EYS: variants seen among roughly 807,000 people sequenced by gnomAD.
EYS encodes EGF-like photoreceptor maintenance factor, also known as protein eyes shut homolog.
A neutral mutation model predicts 282.1 loss-of-function variants in EYS; 250 were observed. That is an observed-to-expected ratio of 0.89 (90% confidence interval 0.80 to 0.98). The LOEUF (loss-of-function observed/expected upper bound fraction) is 0.98. EYS is among the 50% of genes least tolerant of loss of function. The probability of loss-of-function intolerance (pLI) is 0.00; values close to 1 mark genes in which losing one functional copy is unlikely to be tolerated. For synonymous variants in EYS, 1,355 were observed against 1,282.9 expected, an observed-to-expected ratio of 1.06 and a Z score of -1.20; for missense variants, 4,016 against 3,709.0, an observed-to-expected ratio of 1.08 and a Z score of -2.15.
At chr6:64,503,007 A>G (rs1335595356) in intron 26 of EYS, among the ~76,000 whole-genome samples, 3 of 152,202 alleles carry the variant, frequency 2.0e-5, no homozygotes, top group Non-Finnish European at 2.9e-5. Flanking sequence ...CTCTTGCCAA[A>G]TATGTTGTTG....
intron 22 of EYS, among the ~76,000 whole-genome samples, chr6:64,737,993 T>C (rs189439269): frequency 7.2e-5 from 11 of 152,346 alleles, no homozygotes; most frequent in Admixed American, 3.3e-4. Flanking sequence ...CTTTTCCTTA[T>C]AGTCTTTCTT....
intron 31 of EYS, among the ~76,000 whole-genome samples, chr6:64,087,211 C>T (rs1475384332): frequency 6.6e-6 from 1 of 152,104 alleles, no homozygotes; most frequent in Non-Finnish European, 1.5e-5. Context: ...GCCTATCTTA[C>T]TGGGAGTCAC....
intron 12 of EYS, among the ~76,000 whole-genome samples, chr6:65,243,437 C>T (rs1001184337): frequency 1.3e-5 from 2 of 152,036 alleles, no homozygotes; most frequent in Non-Finnish European, 2.9e-5. Flanking sequence ...AACTTCTTTG[C>T]TTTGGAGCTT....
chr6:64,896,863 A>G (rs1190294314), intron 18 of EYS, among the ~76,000 whole-genome samples: 1 of 152,034 alleles, frequency 6.6e-6, no homozygotes, highest in Non-Finnish European at 1.5e-5. Context: ...GGGGGGGGCC[A>G]CCACAGTGCC....
intron 19 of EYS, among the ~76,000 whole-genome samples, chr6:64,837,649 GAT>G (rs970792704): frequency 5.0e-4 from 71 of 141,670 alleles, no homozygotes; most frequent in African/African-American, 1.7e-3. Flanking sequence ...TGATATATAT[GAT>G]ATATGATATG....
intron 35 of EYS, among the ~76,000 whole-genome samples, chr6:63,959,061 A>C (rs1023042840): frequency 3.3e-5 from 5 of 152,206 alleles, no homozygotes; most frequent in Admixed American, 2.0e-4. Flanking sequence ...TGTAGAAACA[A>C]TCATCATAGT....
At chr6:64,851,640 C>T (rs1765888843) in intron 19 of EYS, among the ~76,000 whole-genome samples, 1 of 152,058 alleles carries the variant, frequency 6.6e-6, no homozygotes, top group African/African-American at 2.4e-5. Context: ...AGATCGTGTC[C>T]TTTTCTGGGA....
At chr6:64,097,740 G>A (rs978291141) in intron 31 of EYS, among the ~76,000 whole-genome samples, 2 of 152,024 alleles carry the variant, frequency 1.3e-5, no homozygotes, top group East Asian at 1.9e-4. Context: ...GCTGACGCTC[G>A]GTACACTGAC....
At chr6:64,646,304 C>A (rs1485611086) in intron 22 of EYS, among the ~76,000 whole-genome samples, 2 of 152,062 alleles carry the variant, frequency 1.3e-5, no homozygotes, top group East Asian at 3.9e-4. Flanking sequence ...ACATAATCAA[C>A]TTTGGTAAAA....
chr6:64,492,589 G>A (rs1776771909), intron 26 of EYS, among the ~76,000 whole-genome samples: 1 of 151,148 alleles, frequency 6.6e-6, no homozygotes, highest in South Asian at 2.1e-4. Context: ...ACGAAGACAA[G>A]GAATTATGTA....
intron 26 of EYS, among the ~76,000 whole-genome samples, chr6:64,523,292 C>T (rs941204237): frequency 6.6e-6 from 1 of 151,674 alleles, no homozygotes; most frequent in Non-Finnish European, 1.5e-5. Context: ...ATTTATGTCG[C>T]CTTTCTTCTT....
chr6:64,013,329 G>T (rs550416587), intron 33 of EYS, among the ~76,000 whole-genome samples: 4 of 152,160 alleles, frequency 2.6e-5, no homozygotes, highest in African/African-American at 9.7e-5. Context: ...TCCTGGTAGC[G>T]CCTCTAAATG....
At chr6:64,176,462 C>A (rs560277893) in intron 31 of EYS, among the ~76,000 whole-genome samples, 2 of 151,816 alleles carry the variant, frequency 1.3e-5, no homozygotes, top group Non-Finnish European at 2.9e-5. Context: ...TATCAAGACA[C>A]CATTTGCATA....
At chr6:64,887,090 A>G (rs1171927355) in intron 18 of EYS, among the ~76,000 whole-genome samples, 1 of 151,882 alleles carries the variant, frequency 6.6e-6, no homozygotes, top group Non-Finnish European at 1.5e-5. Flanking sequence ...AACCTGATAA[A>G]TACTAGTATC....
intron 29 of EYS, among the ~76,000 whole-genome samples, chr6:64,341,302 A>G (rs1771100339): frequency 6.6e-6 from 1 of 151,826 alleles, no homozygotes; most frequent in Non-Finnish European, 1.5e-5. Context: ...ATGAGTGCCC[A>G]TTAATGGTGG....
chr6:65,057,586 C>A (rs190176594), intron 13 of EYS, 28 bp downstream of exon 13: 1 of 1,344,624 alleles, frequency 7.4e-7, no homozygotes, highest in South Asian at 1.3e-5. Flanking sequence ...ATTATGTTTG[C>A]TTTTCCTTAT....
intron 16 of EYS, among the ~76,000 whole-genome samples, chr6:64,904,913 G>A (rs1193267515): frequency 2.6e-5 from 4 of 152,152 alleles, no homozygotes; most frequent in Admixed American, 2.0e-4. Flanking sequence ...TGAGATTGCC[G>A]AAATGCAGCA....
At position 64,343,501 on chromosome 6, in the gene EYS, G is replaced by A. The variant is rs534800877; in HGVS notation, c.6079-36419C>T. On this transcript the variant is annotated intron_variant, in intron 29 of 42. Transcript: ENST00000503581. ...GAAGGCAGAAATAAAGATGTTCTTT[G>A]AAACCAACGAGAACAAAGACACAAC... Among the ~76,000 whole-genome samples, 85 of 152,120 alleles carry A rather than the reference G, an allele frequency of 5.6e-4. 1 individual carries two copies. In the East Asian group the frequency reaches 0.015, roughly 28 times the overall value.
In EYS at chr6:63,720,853, T is replaced by A. The variant is rs1241279569; in HGVS notation, c.9178A>T (p.Ile3060Leu). 1 of 1,551,252 alleles carries A rather than the reference T, an allele frequency of 6.4e-7. No individual in the cohort carries two copies. Among genetic ancestry groups the A allele is most frequent in the Non-Finnish European group, 8.7e-7 (1 of 1,146,650 alleles). The change falls in exon 43 of 43, where the codon ATA (isoleucine) becomes TTA (leucine). Residue 3060 changes from isoleucine (I) to leucine (L), a missense_variant. Transcript: ENST00000503581. ...TCGGAAAGAATTAGACTGTTATTTA[T>A]GTAGGCCTTGATAAGAGTCTGATTT... is the stretch of plus-strand genomic sequence containing the variant. ...IQNQTLIKAY[I>L]NNSLILSEDI...
Sources: gnomAD v4.1 joint callset for allele counts (sites outside exome capture counted in the v4.1 genomes callset) on GRCh38, gnomAD v4.1.1 for gene constraint, MANE v1.5 for transcripts, NCBI Gene and HGNC (gene_info 2026-07-23, HGNC 2026-07-21) for gene names.